The following ARHGEF3 variants were observed in gnomAD, a reference collection of about 807,000 sequenced individuals.
The protein encoded by ARHGEF3 is 59.8 kDA protein.
ARHGEF3 carries 28 observed loss-of-function variants against 63.2 expected under a neutral mutation model. The observed-to-expected ratio is 0.44, with a 90% CI of 0.33 to 0.61. ARHGEF3 has a LOEUF of 0.61. Ranked by LOEUF, ARHGEF3 falls within the 20% of genes least tolerant of loss-of-function variation. ARHGEF3 has a pLI of 0.03. For synonymous variants in ARHGEF3, 266 were observed against 254.2 expected (o/e 1.05, Z -0.44); for missense variants, 533 against 659.3 (o/e 0.81, Z 2.10).
chr3:56,816,122 A>G (rs2108020348), intron 4 of ARHGEF3, among the ~76,000 whole-genome samples: 1 of 152,276 alleles, frequency 6.6e-6, no homozygotes, highest in African/African-American at 2.4e-5. Context: ...AGCTGAGGCA[A>G]GAGGATGGCT....
chr3:56,812,041 T>G (rs2133884), intron 4 of ARHGEF3, among the ~76,000 whole-genome samples: 70,869 of 152,116 alleles, frequency 0.47, 19,876 homozygotes, highest in Non-Finnish European at 0.61. Flanking sequence ...CTCATCACAG[T>G]AGCCCCAGCT....
intron 3 of ARHGEF3, among the ~76,000 whole-genome samples, chr3:56,885,931 C>T (rs1375507843): frequency 6.6e-6 from 1 of 152,206 alleles, no homozygotes; most frequent in African/African-American, 2.4e-5. Flanking sequence ...ATTTCACAAA[C>T]CATCACTAAG....
At chr3:56,840,316 T>G (rs1404288087) in intron 4 of ARHGEF3, among the ~76,000 whole-genome samples, 1 of 152,204 alleles carries the variant, frequency 6.6e-6, no homozygotes, top group Non-Finnish European at 1.5e-5. Flanking sequence ...TCAATGATCC[T>G]GCAAAACAAA....
chr3:57,057,523 C>T (rs531495267), intron 1 of ARHGEF3, among the ~76,000 whole-genome samples: 20 of 152,234 alleles, frequency 1.3e-4, no homozygotes, highest in Middle Eastern at 3.4e-3. Flanking sequence ...TGTCTGTTGA[C>T]TCTGGTAGGG....
At chr3:56,967,883 A>AATATATAATATATAAATAATATATT (rs1366066837) in intron 2 of ARHGEF3, among the ~76,000 whole-genome samples, 2 of 72,300 alleles carry the variant, frequency 2.8e-5, no homozygotes, top group Non-Finnish European at 4.7e-5. Context: ...ATATAATATA[A>AATATATAATATATAAATAATATATT]ATATATAATA....
At chr3:56,868,068 C>T (rs13317313) in intron 4 of ARHGEF3, among the ~76,000 whole-genome samples, 1 of 152,010 alleles carries the variant, frequency 6.6e-6, no homozygotes, top group Non-Finnish European at 1.5e-5. Flanking sequence ...TGGCTCATTT[C>T]AAACAACCTC....
rs922438029 is a variant in ARHGEF3 at position 57,043,122 on chromosome 3, AT to A, written c.-27-7947del. 6.3e-3 allele frequency among the ~76,000 whole-genome samples: 911 copies of A among 145,178 alleles called. 19 individuals carry two copies. The highest frequency in any genetic ancestry group is 0.021 in the African/African-American group (843 of 39,776). ...CTTCAGTTATATCTGTACCACTAAC[AT>A]TTTTTTTTTTAAGACCAAGTCTCTC... On this transcript the variant is annotated intron_variant, in intron 1 of 12. Transcript: ENST00000338458.
At chr3:56,835,994 C>T (rs969970588) in intron 4 of ARHGEF3, among the ~76,000 whole-genome samples, 9 of 152,206 alleles carry the variant, frequency 5.9e-5, no homozygotes, top group Non-Finnish European at 1.3e-4. Context: ...CTTAGAAAAA[C>T]TGTTGGTGTT....
intron 4 of ARHGEF3, among the ~76,000 whole-genome samples, chr3:56,859,562 C>T (rs2039997974): frequency 1.3e-5 from 2 of 150,740 alleles, no homozygotes; most frequent in African/African-American, 4.9e-5. Context: ...CAGGGTCTCA[C>T]TCTGTCACCC....
At chr3:56,980,541 G>GCTCTTAGAATATAAGGTAGAATAA (rs1701287842) in intron 2 of ARHGEF3, among the ~76,000 whole-genome samples, 1 of 152,184 alleles carries the variant, frequency 6.6e-6, no homozygotes, top group African/African-American at 2.4e-5. Flanking sequence ...GAATAATCAC[G>GCTCTTAGAATATAAGGTAGAATAA]TTATCTACCT....
chr3:56,820,838 C>T (rs2038459903), intron 4 of ARHGEF3, among the ~76,000 whole-genome samples: 1 of 152,002 alleles, frequency 6.6e-6, no homozygotes, highest in Non-Finnish European at 1.5e-5. Flanking sequence ...TATTGTTAAT[C>T]TTGTCAGATG....
rs768081587 is a variant in ARHGEF3 at position 56,737,301 on chromosome 3, C to G, written c.925G>C (p.Glu309Gln). Residue 309 changes from glutamate to glutamine, a missense_variant, in exon 8 of 10, where the codon GAA (glutamate) becomes CAA (glutamine). Glu to Gln is a conservative substitution (Grantham distance 29, BLOSUM62 2). Coordinates refer to ENST00000296315, the MANE Select transcript of ARHGEF3 (RefSeq NM_019555.3). ...AEINTKTGESECRYYKERLLY... is the reference protein window; with the variant it reads ...AEINTKTGESQCRYYKERLLY... ...AGCCGCTCTTTATAATAGCGGCATT[C>G]AGATTCACCAGTCTTGGTGTTGATT... 6.2e-6 allele frequency: 10 copies of G among 1,613,550 alleles called. No individual in the cohort carries two copies. The highest frequency in any genetic ancestry group is 6.8e-6 in the Non-Finnish European group (8 of 1,179,686).
chr3:56,993,307 G>A (rs1265117211), intron 2 of ARHGEF3, among the ~76,000 whole-genome samples: 2 of 152,176 alleles, frequency 1.3e-5, no homozygotes, highest in African/African-American at 4.8e-5. Context: ...TTAGCAATGG[G>A]AGCAGGAAGA....
chr3:56,958,693 A>G, intron 3 of ARHGEF3: 1 of 983,588 alleles, frequency 1.0e-6, no homozygotes, highest in African/African-American at 1.6e-5. Context: ...CCCAAGTGGT[A>G]AAGCACAGAT....
chr3:56,918,731 G>A (rs1214920114), intron 3 of ARHGEF3, among the ~76,000 whole-genome samples: 1 of 152,172 alleles, frequency 6.6e-6, no homozygotes, highest in African/African-American at 2.4e-5. Context: ...CAAGGTCCAC[G>A]TTCATTTTGA....
intron 7 of ARHGEF3, 41 bp downstream of exon 7, chr3:56,745,164 G>A: frequency 1.3e-6 from 2 of 1,589,416 alleles, no homozygotes; most frequent in South Asian, 1.1e-5. Context: ...CCATTATGGT[G>A]GAAATAACAA....
chr3:56,882,332 T>A lies in ARHGEF3; in HGVS notation c.152A>T (p.Gln51Leu), dbSNP rs2040794626. 4 of 1,551,896 alleles carry A rather than the reference T, an allele frequency of 2.6e-6. No homozygotes were observed. The East Asian group carries it at 9.8e-5, about 38-fold the overall frequency. Reference sequence around the variant, plus strand: ...GCAAAGGCTAACAGCATCTTCATCTTGGGTGCTCTGTTTCCGTTTTCGCTG... The same window carrying A: ...GCAAAGGCTAACAGCATCTTCATCTAGGGTGCTCTGTTTCCGTTTTCGCTG... The change falls in exon 4 of 13, where the codon CAA becomes CTA. Residue 51 changes from glutamine (Q) to leucine (L), a missense_variant. Coordinates refer to the ARHGEF3 transcript ENST00000338458.
rs79651419 is a variant in ARHGEF3 at position 56,972,848 on chromosome 3, T to C, written c.63-13959A>G. Among the ~76,000 whole-genome samples, 244 of 151,938 alleles carry C rather than the reference T, an allele frequency of 1.6e-3. 1 individual carries two copies. Among genetic ancestry groups the C allele is most frequent in the African/African-American group, 5.8e-3 (238 of 41,310 alleles). Reference sequence around the variant, plus strand: ...CAGAAAACAAACCTGACCTAAGTTTTAAAAGGATTGCTGTCAATGTTGTAT... The same window carrying C: ...CAGAAAACAAACCTGACCTAAGTTTCAAAAGGATTGCTGTCAATGTTGTAT... On this transcript the variant is annotated intron_variant, in intron 2 of 12. Transcript: ENST00000338458.
chr3:56,868,031 ACTT>A (rs2040313486), intron 4 of ARHGEF3, among the ~76,000 whole-genome samples: 2 of 152,194 alleles, frequency 1.3e-5, no homozygotes, highest in Admixed American at 1.3e-4. Context: ...TTTGTTAAAT[ACTT>A]CTACTAATAA....
Sources: allele counts gnomAD v4.1 joint callset (sites outside exome capture counted in the v4.1 genomes callset), GRCh38; gene constraint gnomAD v4.1.1; transcripts MANE v1.5; gene names NCBI Gene and HGNC (gene_info 2026-07-23, HGNC 2026-07-21).